Variants in GALNTL6 observed in about 807,000 individuals in gnomAD.
The protein encoded by GALNTL6 is polypeptide N-acetylgalactosaminyltransferase-like 6.
Under a neutral mutation model 73.7 loss-of-function variants are expected in GALNTL6, and 46 were observed. That is an observed-to-expected ratio of 0.62 (90% CI 0.49 to 0.80). The LOEUF (loss-of-function observed/expected upper bound fraction) is 0.80, where lower values mean the gene tolerates loss of function less well. GALNTL6 is among the 30% of genes least tolerant of loss of function. The probability of loss-of-function intolerance (pLI) is 0.00; values close to 1 mark genes in which losing one functional copy is unlikely to be tolerated. For synonymous variants in GALNTL6, 259 were observed against 263.7 expected (o/e 0.98, Z 0.17); for missense variants, 604 against 755.0 (o/e 0.80, Z 2.34).
At chr4:172,196,224 A>G (rs985061841) in intron 2 of GALNTL6, among the ~76,000 whole-genome samples, 2 of 152,156 alleles carry the variant, frequency 1.3e-5, no homozygotes, top group African/African-American at 2.4e-5. Context: ...CTGAACACAT[A>G]CATCCTCCCA....
chr4:172,275,210 A>C (rs1157543355), intron 3 of GALNTL6, among the ~76,000 whole-genome samples: 1 of 152,242 alleles, frequency 6.6e-6, no homozygotes, highest in Non-Finnish European at 1.5e-5. Flanking sequence ...TTTGACAATT[A>C]GAAACATCAA....
At chr4:172,982,042 GC>G (rs1751088241) in intron 10 of GALNTL6, among the ~76,000 whole-genome samples, 1 of 152,032 alleles carries the variant, frequency 6.6e-6, no homozygotes, top group Admixed American at 6.6e-5. Flanking sequence ...TGATCTGCCT[GC>G]CTCGGCCTCC....
rs568908744 is a variant in GALNTL6, at chr4:172,467,502, A to T, written c.553+118813A>T. 1.3e-4 allele frequency among the ~76,000 whole-genome samples: 20 copies of T among 152,254 alleles called. 1 individual carries two copies. In the Middle Eastern group the frequency reaches 0.014, roughly 104 times the overall value. On this transcript the variant is annotated intron_variant, in intron 5 of 12. Coordinates refer to ENST00000506823, the MANE Select transcript of GALNTL6 (RefSeq NM_001034845.3). ...CATATCATGGAGTCGCTCATCCTCCAGCAGGCTCGGTTTGTCACATGGCAG... is the reference window on the plus strand; with the variant it reads ...CATATCATGGAGTCGCTCATCCTCCTGCAGGCTCGGTTTGTCACATGGCAG...
At chr4:172,095,343 T>G (rs570162535) in intron 2 of GALNTL6, among the ~76,000 whole-genome samples, 1 of 152,090 alleles carries the variant, frequency 6.6e-6, no homozygotes, top group South Asian at 2.1e-4. Context: ...CTCAGGAACT[T>G]AAGAGAGGTC....
chr4:172,795,535 A>T (rs1003677358), intron 5 of GALNTL6, among the ~76,000 whole-genome samples: 3 of 152,114 alleles, frequency 2.0e-5, no homozygotes, highest in Admixed American at 6.5e-5. Context: ...TCTTTTTTGA[A>T]ATAATTTATT....
At chr4:172,487,347 TTTCTTTCTTTCC>T (rs1254990721) in intron 5 of GALNTL6, among the ~76,000 whole-genome samples, 2 of 121,236 alleles carry the variant, frequency 1.6e-5, no homozygotes, top group African/African-American at 5.8e-5. Context: ...TCTTTCTTTC[TTTCTTTCTTTCC>T]TTCTTTCCTT....
chr4:172,182,194 A>G (rs1263792572), intron 2 of GALNTL6, among the ~76,000 whole-genome samples: 1 of 152,230 alleles, frequency 6.6e-6, no homozygotes, highest in African/African-American at 2.4e-5. Flanking sequence ...TGGGAATCCA[A>G]CTTATGAGGG....
intron 5 of GALNTL6, among the ~76,000 whole-genome samples, chr4:172,689,906 T>TA (rs568645625): frequency 0.022 from 3,346 of 151,548 alleles, 121 homozygotes; most frequent in African/African-American, 0.076. Context: ...TCGTGATTTT[T>TA]AAAAAAAAAT....
intron 2 of GALNTL6, among the ~76,000 whole-genome samples, chr4:172,115,322 T>C (rs887758770): frequency 1.3e-5 from 2 of 152,108 alleles, no homozygotes; most frequent in African/African-American, 2.4e-5. Context: ...CCTTTTAGAA[T>C]TGCTTCAGGA....
intron 10 of GALNTL6, among the ~76,000 whole-genome samples, chr4:173,006,816 C>A (rs1166510805): frequency 6.6e-6 from 1 of 152,316 alleles, no homozygotes; most frequent in East Asian, 1.9e-4. Context: ...AGTGCTTGGA[C>A]ATATCCACTT....
intron 2 of GALNTL6, among the ~76,000 whole-genome samples, chr4:172,100,980 GC>G (rs1732495709): frequency 6.6e-6 from 1 of 152,090 alleles, no homozygotes; most frequent in Non-Finnish European, 1.5e-5. Context: ...AAGATGACCA[GC>G]CAGCTTTTGC....
At chr4:172,771,332 G>A (rs959246266) in intron 5 of GALNTL6, among the ~76,000 whole-genome samples, 8 of 152,126 alleles carry the variant, frequency 5.3e-5, no homozygotes, top group Non-Finnish European at 1.2e-4. Flanking sequence ...TTTTAGAAAG[G>A]CCACTGGGAC....
chr4:172,779,481 T>C (rs1739263240), intron 5 of GALNTL6, among the ~76,000 whole-genome samples: 2 of 152,170 alleles, frequency 1.3e-5, no homozygotes, highest in Admixed American at 1.3e-4. Flanking sequence ...TCTAGCCATG[T>C]CAAGGGAAAA....
intron 7 of GALNTL6, among the ~76,000 whole-genome samples, chr4:172,825,094 CTT>C (rs1560977486): frequency 1.3e-5 from 1 of 78,120 alleles, no homozygotes; most frequent in Admixed American, 1.4e-4. Flanking sequence ...TTCTTTCTTT[CTT>C]TCTTTCTTTC....
chr4:172,205,707 T>C (rs1440280705), intron 2 of GALNTL6, among the ~76,000 whole-genome samples: 2 of 152,224 alleles, frequency 1.3e-5, no homozygotes, highest in African/African-American at 2.4e-5. Context: ...CTGGAAGTCT[T>C]TGTTCCATAA....
rs74697906 is a variant in GALNTL6, at chr4:171,935,564, G to A, written c.138+120846G>A. ...GTTCATTGTGCAGCCTTGACTGTCC[G>A]GCTCAAGCAATCCTCTTACCTCAGC... On this transcript the variant is annotated intron_variant, in intron 2 of 12. Coordinates refer to ENST00000506823, the MANE Select transcript of GALNTL6 (RefSeq NM_001034845.3). Among the ~76,000 whole-genome samples the A allele has an allele frequency of 5.8e-3, 879 of 152,122 alleles. 8 individuals carry two copies. The highest frequency in any genetic ancestry group is 0.01 in the Middle Eastern group (3 of 294).
At chr4:172,456,802 C>T (rs1368799270) in intron 5 of GALNTL6, among the ~76,000 whole-genome samples, 1 of 152,084 alleles carries the variant, frequency 6.6e-6, no homozygotes, top group Non-Finnish European at 1.5e-5. Flanking sequence ...AGGAGAACTT[C>T]CCCAACTTAG....
At position 172,636,997 on chromosome 4, in the gene GALNTL6, T is replaced by G. The variant is rs527346412; in HGVS notation, c.554-172364T>G. Among the ~76,000 whole-genome samples, 8 of 152,264 alleles carry G rather than the reference T, an allele frequency of 5.3e-5. No individual in the cohort carries two copies. The East Asian group carries it at 1.5e-3, about 29-fold the overall frequency. ...ATTTTCTACAGATTTGTCAAGAGTATTTGAACAGTAAAACATATTTCCAAA... is the reference window on the plus strand; with the variant it reads ...ATTTTCTACAGATTTGTCAAGAGTAGTTGAACAGTAAAACATATTTCCAAA... On this transcript the variant is annotated intron_variant, in intron 5 of 12. Coordinates refer to ENST00000506823, the MANE Select transcript of GALNTL6 (RefSeq NM_001034845.3).
chr4:172,052,126 A>C, intron 2 of GALNTL6, among the ~76,000 whole-genome samples: 1 of 152,200 alleles, frequency 6.6e-6, no homozygotes, highest in East Asian at 1.9e-4. Context: ...TGAGATATTA[A>C]AAAACAAAAA....
Sources: allele counts gnomAD v4.1 joint callset (sites outside exome capture counted in the v4.1 genomes callset), GRCh38; gene constraint gnomAD v4.1.1; transcripts MANE v1.5; gene names NCBI Gene and HGNC (gene_info 2026-07-23, HGNC 2026-07-21).